TMEM255A: variants seen among roughly 807,000 people sequenced by gnomAD.
TMEM255A encodes family with sequence similarity 70, member A.
In TMEM255A, 14 loss-of-function variants were observed where a neutral mutation model predicts 23.5. The observed-to-expected ratio is 0.60, with a 90% CI of 0.39 to 0.93. The LOEUF is 0.93. Among genes scored for constraint, TMEM255A ranks in the 40% least tolerant of loss-of-function variants. The pLI, the probability that TMEM255A is intolerant of heterozygous loss-of-function variation, is 0.00. For missense variants in TMEM255A, 233 were observed against 261.7 expected, an observed-to-expected ratio of 0.89 and a Z score of 0.76; for synonymous variants, 104 against 100.3, an observed-to-expected ratio of 1.04 and a Z score of -0.22.
intron 1 of TMEM255A, among the ~76,000 whole-genome samples, chrX:120,307,205 C>T (rs1233543734): frequency 1.8e-5 from 2 of 112,188 alleles, no homozygotes; most frequent in Non-Finnish European, 1.9e-5. Context: ...GTCAATTCGA[C>T]TCAATAAAAT....
intron 8 of TMEM255A, among the ~76,000 whole-genome samples, chrX:120,262,753 A>G (rs1279750417): frequency 9.0e-6 from 1 of 111,677 alleles, no homozygotes; most frequent in African/African-American, 3.3e-5. Flanking sequence ...GCCTGGGCAT[A>G]TGGCACTCAC....
rs782335447 is a variant in TMEM255A, at chrX:120,285,622, T to C, written c.424-407A>G. ...GCGCATGCACTCTGAAGTACAATAG[T>C]ACCTCTCTAGCTGCCTGGGTAAGGT... is the stretch of plus-strand genomic sequence containing the variant. On this transcript the variant is annotated intron_variant, in intron 5 of 8. Transcript: ENST00000371369. 4.1e-6 allele frequency: 5 copies of C among 1,211,071 alleles called. No homozygotes were observed. The Admixed American group carries it at 1.1e-4, about 26-fold the overall frequency.
intron 3 of TMEM255A, among the ~76,000 whole-genome samples, chrX:120,291,652 C>A (rs1225985113): frequency 1.9e-5 from 2 of 104,960 alleles, no homozygotes; most frequent in East Asian, 5.9e-4. Flanking sequence ...CCCTTCCATC[C>A]TTGGACTCAG....
At chrX:120,266,153 C>CAA (rs782105722) in intron 8 of TMEM255A, among the ~76,000 whole-genome samples, 9 of 75,321 alleles carry the variant, frequency 1.2e-4, no homozygotes, top group African/African-American at 3.9e-4. Context: ...GACTCTGTCT[C>CAA]AAAAAAAAAA....
chrX:120,300,661 C>T (rs2058028229), intron 2 of TMEM255A, among the ~76,000 whole-genome samples: 1 of 102,971 alleles, frequency 9.7e-6, no homozygotes, highest in African/African-American at 3.7e-5. Flanking sequence ...TCTCAAAATG[C>T]TGGGATTACA....
In TMEM255A at chrX:120,271,755, A is replaced by AACT. The variant is rs782789794; in HGVS notation, c.676-3371_676-3369dup. Among the ~76,000 whole-genome samples, 10 of 110,604 alleles carry AACT rather than the reference A, an allele frequency of 9.0e-5. No homozygotes were observed. In the East Asian group the frequency reaches 2.5e-3, roughly 28 times the overall value. On this transcript the variant is annotated intron_variant, in intron 7 of 8. Transcript: ENST00000371369. ...TCAAAGCCCTAAATGTAACAGCTAA[A>AACT]ACTATAAAATTCTTAGGCAAAAATG...
Position 120,287,212 on chromosome X carries a change from G to C in TMEM255A, c.365C>G (p.Pro122Arg), listed in dbSNP as rs1556022009. ...ATAATGGCACCGGTTAGCGTAGAGTGGTTTCAGATCCTGAAAAGGGAAACA... is the reference window on the plus strand; with the variant it reads ...ATAATGGCACCGGTTAGCGTAGAGTCGTTTCAGATCCTGAAAAGGGAAACA... Reference protein sequence around the residue: ...VFAARHIDLKPLYANRCHYVP... With the variant: ...VFAARHIDLKRLYANRCHYVP... The change falls in exon 5 of 9, where the codon CCA (proline) becomes CGA (arginine). Residue 122 changes from proline (P) to arginine (R), a missense_variant. By Grantham distance (103) the Pro-to-Arg change is moderately radical. Transcript: ENST00000371369. 8.3e-7 allele frequency: 1 copy of C among 1,208,770 alleles called. No individual in the cohort carries two copies. Among genetic ancestry groups the C allele is most frequent in the Non-Finnish European group, 1.1e-6 (1 of 893,688 alleles).
At chrX:120,254,702 T>G, downstream of TMEM255A, 2 of 1,211,964 alleles carry the variant, frequency 1.7e-6, no homozygotes, top group Middle Eastern at 2.3e-4. Flanking sequence ...GCTTATCGAC[T>G]GGTTGCAAGG....
Position 120,276,887 on chromosome X carries a change from T to C in TMEM255A, c.673A>G (p.Met225Val), listed in dbSNP as rs199624422. ...TGCAAAGTCAATTCTTTCCTTACCA[T>C]GTCCTTAAAGCCTCCAAGGACAGCG... ...TAAVLGGFKD[M>V]NPTLPALNCS... Residue 225 changes from methionine (M) to valine (V), a missense_variant and splice_region_variant, in exon 7 of 9, where the codon ATG (methionine) becomes GTG (valine). By Grantham distance (21) the Met-to-Val change is conservative. Transcript: ENST00000371369. The C allele has an allele frequency of 1.4e-5, 17 of 1,208,421 alleles. No individual in the cohort carries two copies. In the Admixed American group the frequency reaches 3.1e-4, roughly 22 times the overall value.
At chrX:120,303,635 G>C (rs1289424666) in intron 2 of TMEM255A, among the ~76,000 whole-genome samples, 1 of 107,548 alleles carries the variant, frequency 9.3e-6, no homozygotes, top group Non-Finnish European at 1.9e-5. Context: ...AATCATATGG[G>C]ATAAGAAGGC....
chrX:120,260,695 AC>A lies in TMEM255A; in HGVS notation c.*174del. 1 of 586,183 alleles carries A rather than the reference AC, an allele frequency of 1.7e-6. No homozygotes were observed. Among genetic ancestry groups the A allele is most frequent in the Non-Finnish European group, 2.5e-6 (1 of 402,712 alleles). The allele number at this position is 586,183 out of a possible 1,213,427, so 48.3% of individuals were successfully genotyped here. ...CTTCTGTGCTGCGTTCAGCCTGACC[AC>A]CCCTGCTCTGCACTAATAATGAATA... On this transcript the variant is annotated 3_prime_UTR_variant, in exon 9 of 9. Coordinates refer to ENST00000371369, the MANE Select transcript of TMEM255A (RefSeq NM_001104544.3).
chrX:120,280,904 TCA>T (rs1450490968), intron 6 of TMEM255A, among the ~76,000 whole-genome samples: 1 of 112,220 alleles, frequency 8.9e-6, no homozygotes, highest in Non-Finnish European at 1.9e-5. Context: ...CTAATCTCTC[TCA>T]CTGCTCAAAG....
intron 3 of TMEM255A, among the ~76,000 whole-genome samples, chrX:120,292,245 TCTA>T (rs2057920692): frequency 9.0e-6 from 1 of 111,722 alleles, no homozygotes; most frequent in African/African-American, 3.3e-5. Flanking sequence ...TAATAATTTG[TCTA>T]CTATTACAAA....
intron 6 of TMEM255A, among the ~76,000 whole-genome samples, chrX:120,282,793 T>C (rs1351335746): frequency 8.9e-6 from 1 of 112,560 alleles, no homozygotes; most frequent in African/African-American, 3.2e-5. Context: ...AGGACTCAGC[T>C]AAATGGAATT....
intron 8 of TMEM255A, among the ~76,000 whole-genome samples, chrX:120,263,541 A>G (rs1030456138): frequency 9.0e-6 from 1 of 111,514 alleles, no homozygotes; most frequent in Admixed American, 9.5e-5. Context: ...CCGTCAGGGC[A>G]TGCTTCTCTC....
chrX:120,308,036 G>T (rs2058075653), intron 1 of TMEM255A, among the ~76,000 whole-genome samples: 1 of 111,983 alleles, frequency 8.9e-6, no homozygotes, highest in Non-Finnish European at 1.9e-5. Flanking sequence ...TCTGCATTGC[G>T]GTCTTTGAAC....
intron 4 of TMEM255A, among the ~76,000 whole-genome samples, chrX:120,290,742 A>G (rs1214634283): frequency 8.9e-6 from 1 of 111,967 alleles, no homozygotes; most frequent in Non-Finnish European, 1.9e-5. Flanking sequence ...TGGTCCTGAA[A>G]GAAAATCAGG....
intron 3 of TMEM255A, 44 bp from the exon 4 acceptor site, chrX:120,291,384 C>T (rs1025210119): frequency 9.4e-7 from 1 of 1,068,913 alleles, no homozygotes; most frequent in Admixed American, 2.4e-5. Flanking sequence ...GCCTTTCGCA[C>T]TTGCTGCCTC....
chrX:120,277,790 G>A (rs935376341), intron 6 of TMEM255A, among the ~76,000 whole-genome samples: 1 of 111,982 alleles, frequency 8.9e-6, no homozygotes, highest in Admixed American at 9.4e-5. Flanking sequence ...CTAAAGCTGA[G>A]TTGCTACACA....
Sources: allele counts gnomAD v4.1 joint callset (sites outside exome capture counted in the v4.1 genomes callset), GRCh38; gene constraint gnomAD v4.1.1; transcripts MANE v1.5; gene names NCBI Gene and HGNC (gene_info 2026-07-23, HGNC 2026-07-21).